Variants in DOCK7 observed in about 807,000 individuals in gnomAD.
DOCK7 encodes the protein dedicator of cytokinesis 7.
A neutral mutation model predicts 271.0 loss-of-function variants in DOCK7; 138 were observed. The observed-to-expected ratio is 0.51, with a 90% CI of 0.44 to 0.59. The LOEUF is 0.59. Ranked by LOEUF, DOCK7 falls within the 20% of genes least tolerant of loss-of-function variation. The pLI, the probability that DOCK7 is intolerant of heterozygous loss-of-function variation, is 0.00. For missense variants in DOCK7, 2,066 were observed against 2,592.4 expected (o/e 0.80, Z 4.41); for synonymous variants, 823 against 876.1 (o/e 0.94, Z 1.07).
chr1:62,515,966 G>A lies in DOCK7; in HGVS notation c.3937-2068C>T, dbSNP rs61775884. On this transcript the variant is annotated intron_variant, in intron 31 of 49. Coordinates refer to ENST00000635253, the MANE Select transcript of DOCK7 (RefSeq NM_001367561.1). ...GATCTGTGACAGAGCTGGCACTGTG[G>A]ATCACTACTGAAAGGATGAACTGTT... Among the ~76,000 whole-genome samples, 220 of 152,236 alleles carry A rather than the reference G, an allele frequency of 1.4e-3. 1 individual carries two copies. The highest frequency in any genetic ancestry group is 2.7e-3 in the Non-Finnish European group (181 of 67,998).
intron 37 of DOCK7, 100 bp downstream of exon 37, chr1:62,504,530 T>C (rs1446731455): frequency 1.7e-5 from 22 of 1,268,286 alleles, no homozygotes; most frequent in Non-Finnish European, 1.9e-5. Context: ...ACTAAAAATA[T>C]ACAAAAAACT....
chr1:62,683,235 G>A (rs887931318), intron 1 of DOCK7, among the ~76,000 whole-genome samples: 1 of 152,198 alleles, frequency 6.6e-6, no homozygotes, highest in East Asian at 1.9e-4. Flanking sequence ...TTAAGAATTA[G>A]TGAGATGAGT....
chr1:62,476,191 T>C (rs1645964123), intron 44 of DOCK7, 35 bp from the exon 45 acceptor site: 1 of 1,572,392 alleles, frequency 6.4e-7, no homozygotes, highest in Non-Finnish European at 8.7e-7. Flanking sequence ...TTATATGAAG[T>C]TAAAAAGACT....
intron 14 of DOCK7, chr1:62,605,670 A>G (rs1478185878): frequency 6.6e-6 from 1 of 152,458 alleles, no homozygotes; most frequent in African/African-American, 2.4e-5. Context: ...ATTCTAATAC[A>G]TTCGTGTAGG....
At chr1:62,608,138 T>A (rs1362057608) in intron 14 of DOCK7, 5 of 152,308 alleles carry the variant, frequency 3.3e-5, no homozygotes, top group Non-Finnish European at 5.9e-5. Flanking sequence ...AAAAGTGATG[T>A]TCCTAGAAGA....
intron 48 of DOCK7, among the ~76,000 whole-genome samples, chr1:62,463,103 C>G (rs1240208846): frequency 6.6e-6 from 1 of 151,504 alleles, no homozygotes; most frequent in Non-Finnish European, 1.5e-5. Flanking sequence ...ACACAAATAC[C>G]CTTAGAAATC....
intron 48 of DOCK7, among the ~76,000 whole-genome samples, chr1:62,465,235 A>G (rs963647560): frequency 6.6e-6 from 1 of 152,240 alleles, no homozygotes; most frequent in Non-Finnish European, 1.5e-5. Flanking sequence ...AGTAAATTGC[A>G]TATCACAGTA....
At position 62,647,793 on chromosome 1, in the gene DOCK7, A is replaced by G. The variant is rs1412100087; in HGVS notation, c.733-17T>C. 6.5e-7 allele frequency: 1 copy of G among 1,549,240 alleles called. No individual in the cohort carries two copies. Among genetic ancestry groups the G allele is most frequent in the African/African-American group, 1.4e-5 (1 of 72,822 alleles). On this transcript the variant is annotated splice_polypyrimidine_tract_variant and intron_variant, in intron 6 of 49. Transcript: ENST00000635253. ...TGGTTCTTCCTACAAATTGAAAAGCAACACCAAAATGAATATGCTTATCAT... is the reference window on the plus strand; with the variant it reads ...TGGTTCTTCCTACAAATTGAAAAGCGACACCAAAATGAATATGCTTATCAT...
intron 1 of DOCK7, among the ~76,000 whole-genome samples, chr1:62,684,735 G>C (rs937253583): frequency 6.6e-6 from 1 of 152,014 alleles, no homozygotes. Flanking sequence ...AAAGCAAAGG[G>C]GACACACATG....
intron 37 of DOCK7, among the ~76,000 whole-genome samples, chr1:62,502,366 T>C (rs1646807908): frequency 6.6e-6 from 1 of 152,186 alleles, no homozygotes. Context: ...ATCACAGTCA[T>C]CTATTCTCCA....
rs1458210708 is a variant in DOCK7 at position 62,455,223 on chromosome 1, C to T, written c.*191G>A. ...TGTCTTAAAAGATAACAGCTTGTTA[C>T]CAGAACATTAGAAACCATAGCCATG... On this transcript the variant is annotated 3_prime_UTR_variant, in exon 50 of 50. Coordinates refer to ENST00000635253, the MANE Select transcript of DOCK7 (RefSeq NM_001367561.1). 11 of 700,884 alleles carry T rather than the reference C, an allele frequency of 1.6e-5. No individual in the cohort carries two copies. The highest frequency in any genetic ancestry group is 1.1e-4 in the Admixed American group (5 of 45,034). The allele number at this position is 700,884 out of a possible 1,614,324, so 43.4% of individuals were successfully genotyped here.
intron 14 of DOCK7, chr1:62,604,328 T>A (rs1355572141): frequency 6.7e-7 from 1 of 1,492,632 alleles, no homozygotes; most frequent in African/African-American, 1.4e-5. Context: ...CTTTTAAAAA[T>A]CCGAATCCCA....
At chr1:62,642,537 CT>C (rs1259432537) in intron 7 of DOCK7, among the ~76,000 whole-genome samples, 1 of 152,138 alleles carries the variant, frequency 6.6e-6, no homozygotes, top group African/African-American at 2.4e-5. Flanking sequence ...TACTCAAGAA[CT>C]TTTAAAGTAC....
chr1:62,487,524 G>A, intron 42 of DOCK7, 112 bp from the exon 43 acceptor site: 1 of 915,690 alleles, frequency 1.1e-6, no homozygotes, highest in Non-Finnish European at 1.7e-6. Context: ...GAAGACAGCA[G>A]GATATTTTAA....
intron 31 of DOCK7, among the ~76,000 whole-genome samples, chr1:62,521,441 T>A (rs2801388): frequency 0.98 from 149,444 of 152,214 alleles, 73,414 homozygotes; most frequent in Middle Eastern, 1. Context: ...AATAATAAAC[T>A]TTAAAAAGTG....
chr1:62,471,056 C>G (rs748894278), intron 48 of DOCK7, among the ~76,000 whole-genome samples: 5 of 152,180 alleles, frequency 3.3e-5, no homozygotes, highest in Non-Finnish European at 7.3e-5. Context: ...TCCACTTCCA[C>G]TTAATGAAGA....
At chr1:62,681,476 T>C (rs1053079775) in intron 1 of DOCK7, among the ~76,000 whole-genome samples, 2 of 150,670 alleles carry the variant, frequency 1.3e-5, no homozygotes, top group African/African-American at 4.9e-5. Context: ...ATGGCGCATG[T>C]ATACATATGT....
intron 47 of DOCK7, 132 bp downstream of exon 47, chr1:62,475,076 G>A (rs574338014): frequency 3.3e-5 from 32 of 981,796 alleles, no homozygotes; most frequent in East Asian, 1.7e-4. Context: ...TTATAAGATC[G>A]CATAGGTAGA....
At position 62,508,301 on chromosome 1, in the gene DOCK7, T is replaced by A. The variant is rs757653258; in HGVS notation, c.4380-243A>T. Among the ~76,000 whole-genome samples, 40 of 152,224 alleles carry A rather than the reference T, an allele frequency of 2.6e-4. 1 individual carries two copies. The highest frequency in any genetic ancestry group is 8.8e-5 in the Non-Finnish European group (6 of 68,038). ...GTAATGCCACTAAAAGCATAAATGT[T>A]TATGTTTTAGCTTTCAAACATGCAG... is the stretch of plus-strand genomic sequence containing the variant. On this transcript the variant is annotated intron_variant, in intron 34 of 49. Transcript: ENST00000635253.
Sources: allele counts gnomAD v4.1 joint callset (sites outside exome capture counted in the v4.1 genomes callset), GRCh38; gene constraint gnomAD v4.1.1; transcripts MANE v1.5; gene names NCBI Gene and HGNC (gene_info 2026-07-23, HGNC 2026-07-21).